The following KPNA5 variants were observed in gnomAD, a reference collection of about 807,000 sequenced individuals.
KPNA5 encodes the protein karyopherin subunit alpha 5, also known as importin subunit alpha-6.
Under a neutral mutation model 71.3 loss-of-function variants are expected in KPNA5, and 46 were observed. That is an observed-to-expected ratio of 0.65 (90% confidence interval 0.51 to 0.83). KPNA5 has a LOEUF of 0.83. Ranked by LOEUF, KPNA5 falls within the 40% of genes least tolerant of loss-of-function variation. The probability of loss-of-function intolerance (pLI) is 0.00; values close to 1 mark genes in which losing one functional copy is unlikely to be tolerated. For missense variants in KPNA5, 547 were observed against 628.3 expected (o/e 0.87, Z 1.38); for synonymous variants, 207 against 201.4 (o/e 1.03, Z -0.24).
chr6:116,732,072 G>A (rs1262774781), intron 13 of KPNA5, 64 bp from the exon 14 acceptor site: 2 of 69,542 alleles, frequency 2.9e-5, no homozygotes, highest in Non-Finnish European at 2.6e-5. Context: ...GTAACAGTTT[G>A]TTTATATATA....
At chr6:116,709,798 C>G in intron 7 of KPNA5, among the ~76,000 whole-genome samples, 1 of 151,008 alleles carries the variant, frequency 6.6e-6, no homozygotes, top group East Asian at 1.9e-4. Flanking sequence ...CGGAGTCATG[C>G]TCTGTCGCCA....
At chr6:116,694,860 G>A (rs962999696) in intron 4 of KPNA5, among the ~76,000 whole-genome samples, 4 of 152,056 alleles carry the variant, frequency 2.6e-5, no homozygotes, top group Middle Eastern at 3.2e-3. Flanking sequence ...GTGAAGTAGG[G>A]GGTCAAAGGG....
chr6:116,698,264 A>G (rs909768685), intron 4 of KPNA5, among the ~76,000 whole-genome samples: 2 of 152,012 alleles, frequency 1.3e-5, no homozygotes, highest in African/African-American at 4.8e-5. Context: ...AAAATAATTC[A>G]CGGACAAAAA....
chr6:116,721,399 C>G (rs6568962), intron 8 of KPNA5, among the ~76,000 whole-genome samples: 3 of 151,724 alleles, frequency 2.0e-5, no homozygotes, highest in African/African-American at 7.3e-5. Context: ...GTTATCTACC[C>G]GCCTCGGCCT....
intron 6 of KPNA5, among the ~76,000 whole-genome samples, chr6:116,702,854 GAATA>G (rs1169102438): frequency 4.6e-5 from 7 of 152,094 alleles, no homozygotes; most frequent in Non-Finnish European, 8.8e-5. Context: ...TAAACTTAAT[GAATA>G]AAGTTTTGTT....
chr6:116,710,891 ATATTTT>A (rs1284793456), intron 7 of KPNA5, among the ~76,000 whole-genome samples: 9 of 70,116 alleles, frequency 1.3e-4, no homozygotes, highest in Admixed American at 7.8e-4. Flanking sequence ...ATATATATAT[ATATTTT>A]TTTTTTTTTT....
chr6:116,705,107 T>C lies in KPNA5; in HGVS notation c.603T>C (p.Asn201=). 1.9e-6 allele frequency: 3 copies of C among 1,612,980 alleles called. No homozygotes were observed. The highest frequency in any genetic ancestry group is 2.5e-6 in the Non-Finnish European group (3 of 1,179,688). Residue 201 remains asparagine, a synonymous_variant, in exon 7 of 14, where the codon AAT becomes AAC. Coordinates refer to ENST00000368564, the MANE Select transcript of KPNA5 (RefSeq NM_001366306.2). Reference sequence around the variant, plus strand: ...CACTTGGTAATATTGCTGGTGACAATGCAGAATGCAGAGATTTTGTTTTGA... The same window carrying C: ...CACTTGGTAATATTGCTGGTGACAACGCAGAATGCAGAGATTTTGTTTTGA... ...VWALGNIAGD[N]AECRDFVLNC...
intron 7 of KPNA5, among the ~76,000 whole-genome samples, chr6:116,715,219 G>A (rs1488587202): frequency 6.6e-6 from 1 of 152,088 alleles, no homozygotes; most frequent in East Asian, 1.9e-4. Flanking sequence ...TAGCAGGTTT[G>A]TGGAGGTCCT....
chr6:116,705,223 C>T, intron 7 of KPNA5, 63 bp downstream of exon 7: 2 of 1,234,776 alleles, frequency 1.6e-6, no homozygotes, highest in Admixed American at 2.0e-5. Flanking sequence ...ATTCTACATA[C>T]ATAATTAAGT....
At chr6:116,719,419 A>G (rs1483743096) in intron 8 of KPNA5, among the ~76,000 whole-genome samples, 2 of 152,152 alleles carry the variant, frequency 1.3e-5, no homozygotes, top group Non-Finnish European at 2.9e-5. Context: ...GCAAAACCAT[A>G]TTTTCTTAGA....
At position 116,726,615 on chromosome 6, in the gene KPNA5, C is replaced by A. The variant is rs1403199489; in HGVS notation, c.1246C>A (p.Gln416Lys). Residue 416 changes from glutamine (Q) to lysine (K), a missense_variant, in exon 12 of 14, where the codon CAA becomes AAA. Coordinates refer to ENST00000368564, the MANE Select transcript of KPNA5 (RefSeq NM_001366306.2). ...TGCAACATCAGGAGGTACTCCAGAGCAAATAAGGTATGATATAAACTTCTT... is the reference window on the plus strand; with the variant it reads ...TGCAACATCAGGAGGTACTCCAGAGAAAATAAGGTATGATATAAACTTCTT... ...TNATSGGTPE[Q>K]IRYLVALGCI... The A allele has an allele frequency of 6.3e-7, 1 of 1,597,018 alleles. No individual in the cohort carries two copies. The highest frequency in any genetic ancestry group is 1.7e-4 in the Middle Eastern group (1 of 6,030).
chr6:116,695,107 C>T (rs767754158), intron 4 of KPNA5, among the ~76,000 whole-genome samples: 10 of 152,022 alleles, frequency 6.6e-5, no homozygotes, highest in Non-Finnish European at 1.2e-4. Context: ...TGCATCACCA[C>T]GCCCAGCTAA....
At position 116,732,261 on chromosome 6, in the gene KPNA5, G is replaced by A. The variant is rs1409709612; in HGVS notation, c.1558G>A (p.Glu520Lys). ...DDPSIVPQVD[E>K]NQQQFIFQQQ... ...CCCCAGCATTGTACCTCAGGTGGATGAAAACCAACAACAGTTTATATTTCA... is the reference window on the plus strand; with the variant it reads ...CCCCAGCATTGTACCTCAGGTGGATAAAAACCAACAACAGTTTATATTTCA... The change falls in exon 14 of 14, where the codon GAA becomes AAA. Residue 520 changes from glutamate to lysine, a missense_variant. Physicochemically the swap from Glu to Lys is moderately conservative, Grantham distance 56. Coordinates refer to ENST00000368564, the MANE Select transcript of KPNA5 (RefSeq NM_001366306.2). 6.4e-7 allele frequency: 1 copy of A among 1,574,532 alleles called. No homozygotes were observed. The highest frequency in any genetic ancestry group is 1.2e-5 in the South Asian group (1 of 84,374).
chr6:116,722,118 C>A lies in KPNA5; in HGVS notation c.757-8C>A. 1.3e-6 allele frequency: 2 copies of A among 1,528,076 alleles called. No homozygotes were observed. Among genetic ancestry groups the A allele is most frequent in the South Asian group, 1.4e-5 (1 of 71,016 alleles). The allele number at this position is 1,528,076 out of a possible 1,614,324, so 94.7% of individuals were successfully genotyped here. Reference sequence around the variant, plus strand: ...AAAAATTTAAATATGCTCTTTCTTCCCTTACAGGTTTCACCTTGCTTAAAT... The same window carrying A: ...AAAAATTTAAATATGCTCTTTCTTCACTTACAGGTTTCACCTTGCTTAAAT... On this transcript the variant is annotated splice_region_variant and splice_polypyrimidine_tract_variant and intron_variant, in intron 8 of 13. Coordinates refer to ENST00000368564, the MANE Select transcript of KPNA5 (RefSeq NM_001366306.2).
In KPNA5 at chr6:116,740,994, T is replaced by TA. The variant is rs375151327; in HGVS notation, c.*8681dup. On this transcript the variant is annotated 3_prime_UTR_variant, in exon 14 of 14. Coordinates refer to ENST00000368564, the MANE Select transcript of KPNA5 (RefSeq NM_001366306.2). ...ATGTACCCTGAAACTTAAAGTATAA[T>TA]AAAAAAAAAAGAAATGTACTTTTAA... 242 of 147,926 alleles carry TA rather than the reference T, an allele frequency of 1.6e-3. 1 individual carries two copies. The highest frequency in any genetic ancestry group is 4.9e-3 in the African/African-American group (196 of 40,282). 9.2% of individuals were successfully genotyped at this position (147,926 alleles called of 1,614,324 possible).
rs80025388 is a variant in KPNA5 at position 116,709,224 on chromosome 6, C to T, written c.656+4064C>T. Among the ~76,000 whole-genome samples the T allele has an allele frequency of 4.2e-4, 64 of 152,290 alleles. 1 individual carries two copies. The East Asian group carries it at 0.012, about 29-fold the overall frequency. On this transcript the variant is annotated intron_variant, in intron 7 of 13. Coordinates refer to ENST00000368564, the MANE Select transcript of KPNA5 (RefSeq NM_001366306.2). ...AGTTTCATTGCTGAGCATAATGGCA[C>T]ATGCCTGTAGTCTCAGATACTTGGG...
rs1779673823 is a variant in KPNA5 at position 116,736,505 on chromosome 6, T to TA, written c.*4183dup. ...CACTAGCCATATTTCAAGTGCTCAG[T>TA]AGGGAGTGCAGGGCTACAGTATGTT... On this transcript the variant is annotated 3_prime_UTR_variant, in exon 14 of 14. Coordinates refer to ENST00000368564, the MANE Select transcript of KPNA5 (RefSeq NM_001366306.2). 6.6e-6 allele frequency: 1 copy of TA among 151,994 alleles called. No homozygotes were observed. Among genetic ancestry groups the TA allele is most frequent in the Non-Finnish European group, 1.5e-5 (1 of 67,910 alleles). The allele number at this position is 151,994 out of a possible 1,614,324, so 9.4% of individuals were successfully genotyped here.
At chr6:116,730,479 TTTATGTATACCAAAA>T (rs1221744839) in intron 13 of KPNA5, among the ~76,000 whole-genome samples, 2 of 152,206 alleles carry the variant, frequency 1.3e-5, no homozygotes, top group African/African-American at 4.8e-5. Flanking sequence ...AGTTTATCAC[TTTATGTATACCAAAA>T]TAAGCATCTT....
intron 7 of KPNA5, among the ~76,000 whole-genome samples, chr6:116,706,891 C>T (rs1778462829): frequency 6.6e-6 from 1 of 151,448 alleles, no homozygotes. Context: ...AGGCCGGGCG[C>T]AGTGGCTCAC....
Sources: gnomAD v4.1 joint callset for allele counts (sites outside exome capture counted in the v4.1 genomes callset) on GRCh38, gnomAD v4.1.1 for gene constraint, MANE v1.5 for transcripts, NCBI Gene and HGNC (gene_info 2026-07-23, HGNC 2026-07-21) for gene names.